The following PRDM15 variants were observed in gnomAD, a reference collection of about 807,000 sequenced individuals.
PRDM15 encodes the protein PR domain zinc finger protein 15.
A neutral mutation model predicts 128.6 loss-of-function variants in PRDM15; 64 were observed. That is an observed-to-expected ratio of 0.50 (90% confidence interval 0.41 to 0.61). PRDM15 has a LOEUF of 0.61. PRDM15 is among the 20% of genes least tolerant of loss of function. PRDM15 has a pLI of 0.00. For synonymous variants in PRDM15, 615 were observed against 621.8 expected, an observed-to-expected ratio of 0.99 and a Z score of 0.16; for missense variants, 1,242 against 1,569.1, an observed-to-expected ratio of 0.79 and a Z score of 3.52.
At chr21:41,805,502 A>G (rs1396854257) in intron 21 of PRDM15, among the ~76,000 whole-genome samples, 1 of 152,162 alleles carries the variant, frequency 6.6e-6, no homozygotes, top group East Asian at 1.9e-4. Flanking sequence ...TTTACATTCC[A>G]TGACTAGGTC....
chr21:41,855,505 G>C (rs2063551682), intron 4 of PRDM15, among the ~76,000 whole-genome samples: 1 of 152,112 alleles, frequency 6.6e-6, no homozygotes, highest in Non-Finnish European at 1.5e-5. Context: ...GCTTCTCCTA[G>C]AGAGGCCTCT....
chr21:41,801,718 A>G lies in PRDM15; in HGVS notation c.2948T>C (p.Val983Ala), dbSNP rs755827937. 9 of 1,609,852 alleles carry G rather than the reference A, an allele frequency of 5.6e-6. No homozygotes were observed. In the South Asian group the frequency reaches 9.9e-5, roughly 18 times the overall value. The change falls in exon 24 of 24, where the codon GTG becomes GCG. Residue 983 changes from valine to alanine, a missense_variant. By Grantham distance (64) the Val-to-Ala change is moderately conservative. Coordinates refer to ENST00000398548, the MANE Select transcript of PRDM15 (RefSeq NM_001040424.3). The stretch of plus-strand genomic sequence containing the variant: ...CACATTTGGGTCACCCAGGGTCACC[A>G]CTACCTGGAAGATTCACACACAACA... ...NSAVQSIQQV[V>A]VTLGDPNVTT...
intron 21 of PRDM15, among the ~76,000 whole-genome samples, chr21:41,806,629 CCACCACCACCAT>C (rs2061673456): frequency 1.4e-4 from 1 of 7,150 alleles, no homozygotes. Flanking sequence ...ACCATCATCA[CCACCACCACCAT>C]CACCACCACC....
intron 21 of PRDM15, among the ~76,000 whole-genome samples, chr21:41,805,825 ACACCAT>A (rs1371373523): frequency 6.5e-5 from 9 of 139,416 alleles, no homozygotes; most frequent in East Asian, 2.2e-4. Flanking sequence ...ACCATTACCA[ACACCAT>A]CACCACCAAC....
chr21:41,805,870 C>T (rs540820664), intron 21 of PRDM15, among the ~76,000 whole-genome samples: 224 of 151,320 alleles, frequency 1.5e-3, no homozygotes, highest in African/African-American at 5.3e-3. Flanking sequence ...ATTAACAACA[C>T]CATCACCACC....
chr21:41,826,241 T>G (rs953154777), intron 12 of PRDM15, among the ~76,000 whole-genome samples, 187 bp from the exon 13 acceptor site: 1 of 152,180 alleles, frequency 6.6e-6, no homozygotes, highest in African/African-American at 2.4e-5. Context: ...CTAACCACCA[T>G]TCCTGAAGCA....
intron 13 of PRDM15, 32 bp downstream of exon 13, chr21:41,825,928 T>C: frequency 6.7e-7 from 1 of 1,499,810 alleles, no homozygotes; most frequent in Non-Finnish European, 9.3e-7. Flanking sequence ...GTGCTTTCCA[T>C]CTCAGCGTCC....
At position 41,828,284 on chromosome 21, in the gene PRDM15, G is replaced by A. The variant is rs766847657; in HGVS notation, c.1416C>T (p.Asn472=). 2.5e-6 allele frequency: 4 copies of A among 1,614,046 alleles called. No individual in the cohort carries two copies. The South Asian group carries it at 4.4e-5, about 18-fold the overall frequency. ...CEMCFRFFST[N]SNLSKHKKKH... ...TCTTCTTGTGCTTGGAGAGGTTGCT[G>A]TTGGTGGAGAAGAATCTGAAACACA... is the stretch of plus-strand genomic sequence containing the variant. The change falls in exon 12 of 24, where the codon AAC becomes AAT. Residue 472 remains asparagine, a synonymous_variant. Transcript: ENST00000398548. This position sits in a 1 kb window ranked among gnomAD's most constrained non-coding sequence, Gnocchi z 5.7.
intron 6 of PRDM15, among the ~76,000 whole-genome samples, chr21:41,842,189 T>TA (rs1240899477): frequency 6.6e-6 from 1 of 151,998 alleles, no homozygotes; most frequent in Non-Finnish European, 1.5e-5. Context: ...CAAGAAAAAA[T>TA]AGAGAATGCA....
intron 1 of PRDM15, among the ~76,000 whole-genome samples, chr21:41,864,622 C>A (rs1209781570): frequency 1.3e-5 from 2 of 152,060 alleles, no homozygotes; most frequent in Non-Finnish European, 2.9e-5. Flanking sequence ...CCACTACCTG[C>A]AGCCCCCCTT....
At chr21:41,802,396 ACTTGGGTAGGCCACCCGTGACCTCCC>A (rs1244162595) in intron 23 of PRDM15, among the ~76,000 whole-genome samples, 1 of 152,192 alleles carries the variant, frequency 6.6e-6, no homozygotes, top group African/African-American at 2.4e-5. Context: ...CCATAAGGGC[ACTTGGGTAGGCCACCCGTGACCTCCC>A]CAAACTGCAA....
chr21:41,807,487 C>A (rs2061718326), intron 21 of PRDM15, among the ~76,000 whole-genome samples: 1 of 152,216 alleles, frequency 6.6e-6, no homozygotes, highest in Non-Finnish European at 1.5e-5. Flanking sequence ...CCAGGCCTCA[C>A]TGCGGTACAC....
At chr21:41,820,467 G>C (rs1197822308) in intron 16 of PRDM15, among the ~76,000 whole-genome samples, 1 of 152,188 alleles carries the variant, frequency 6.6e-6, no homozygotes, top group Non-Finnish European at 1.5e-5. Flanking sequence ...AATCTGACCA[G>C]TGTCCTTATA....
intron 17 of PRDM15, 130 bp from the exon 18 acceptor site, chr21:41,819,831 C>A: frequency 8.1e-7 from 1 of 1,231,462 alleles, no homozygotes; most frequent in South Asian, 1.4e-5. Context: ...GTGGGGTCGC[C>A]TCTTCAGCGG....
chr21:41,837,660 GC>G lies in PRDM15; in HGVS notation c.1001+273del, dbSNP rs1310815873. ...AACATCCTGAATGCCACTAAATTGT[GC>G]ACTTAAACATGGTTAAAATGGTTAA... On this transcript the variant is annotated intron_variant, in intron 8 of 23. Coordinates refer to ENST00000398548, the MANE Select transcript of PRDM15 (RefSeq NM_001040424.3). Among the ~76,000 whole-genome samples the G allele has an allele frequency of 1.8e-4, 27 of 152,292 alleles. 1 individual carries two copies. The highest frequency in any genetic ancestry group is 1.7e-3 in the Admixed American group (26 of 15,300).
At position 41,809,613 on chromosome 21, in the gene PRDM15, T is replaced by G. The variant is rs573011642; in HGVS notation, c.2652+541A>C. On this transcript the variant is annotated intron_variant, in intron 21 of 23. Transcript: ENST00000398548. Reference sequence around the variant, plus strand: ...CTGTGTTCACAACTCCTTTTGCTGCTTTTACGCTTAGAGAGTCTACTCTTT... The same window carrying G: ...CTGTGTTCACAACTCCTTTTGCTGCGTTTACGCTTAGAGAGTCTACTCTTT... Among the ~76,000 whole-genome samples the G allele has an allele frequency of 2.2e-4, 33 of 152,346 alleles. 1 individual carries two copies. The South Asian group carries it at 3.9e-3, about 18-fold the overall frequency.
chr21:41,861,239 G>A (rs893599385), intron 1 of PRDM15, among the ~76,000 whole-genome samples: 4 of 152,200 alleles, frequency 2.6e-5, no homozygotes, highest in Admixed American at 1.3e-4. Context: ...AAATCAATGC[G>A]TGACGTTGTG....
At chr21:41,847,647 G>A (rs1011476486) in intron 5 of PRDM15, among the ~76,000 whole-genome samples, 18 of 152,178 alleles carry the variant, frequency 1.2e-4, no homozygotes, top group Admixed American at 1.0e-3. Flanking sequence ...TGCTGCTCCC[G>A]CCCAGCGCTA....
chr21:41,816,812 G>A (rs80101073), intron 18 of PRDM15, among the ~76,000 whole-genome samples: 3,405 of 152,096 alleles, frequency 0.022, 134 homozygotes, highest in African/African-American at 0.077. Context: ...TCCTGGCCTC[G>A]GGTGGGGACG....
Sources: gnomAD v4.1 joint callset for allele counts (sites outside exome capture counted in the v4.1 genomes callset) on GRCh38, gnomAD v4.1.1 for gene constraint, Gnocchi (gnomAD v3.1) non-coding constraint, MANE v1.5 for transcripts, NCBI Gene and HGNC (gene_info 2026-07-23, HGNC 2026-07-21) for gene names.